EPHA6: variants seen among roughly 807,000 people sequenced by gnomAD.
The protein encoded by EPHA6 is EPH receptor A6.
Under a neutral mutation model 112.0 loss-of-function variants are expected in EPHA6, and 50 were observed. The ratio of observed to expected loss-of-function variants is 0.45; its 90% CI spans 0.36 to 0.56. The LOEUF (loss-of-function observed/expected upper bound fraction) is 0.56, where lower values mean the gene tolerates loss of function less well. Ranked by LOEUF, EPHA6 falls within the 20% of genes least tolerant of loss-of-function variation. EPHA6 has a pLI of 0.00. For synonymous variants in EPHA6, 529 were observed against 490.7 expected, an observed-to-expected ratio of 1.08 and a Z score of -1.03; for missense variants, 1,280 against 1,417.4, an observed-to-expected ratio of 0.90 and a Z score of 1.56.
intron 5 of EPHA6, among the ~76,000 whole-genome samples, chr3:97,291,553 T>C (rs1576858473): frequency 6.6e-6 from 1 of 152,226 alleles, no homozygotes; most frequent in Non-Finnish European, 1.5e-5. Context: ...GTTCTTTTTC[T>C]TATATTTTGT....
At chr3:97,121,313 A>G (rs2048034664) in intron 3 of EPHA6, among the ~76,000 whole-genome samples, 1 of 152,042 alleles carries the variant, frequency 6.6e-6, no homozygotes, top group Non-Finnish European at 1.5e-5. Context: ...CTAAAGTGCT[A>G]ATGTAAGAGT....
At chr3:96,867,338 A>T (rs1233212210) in intron 2 of EPHA6, among the ~76,000 whole-genome samples, 5 of 151,798 alleles carry the variant, frequency 3.3e-5, no homozygotes, top group Non-Finnish European at 7.4e-5. Context: ...GCATTTTTGA[A>T]CTTGGTGAAA....
chr3:96,913,918 G>A (rs1328259636), intron 2 of EPHA6, among the ~76,000 whole-genome samples: 1 of 152,038 alleles, frequency 6.6e-6, no homozygotes, highest in African/African-American at 2.4e-5. Flanking sequence ...CTGAACCTAA[G>A]GAAGATAAGT....
At chr3:97,466,179 C>A in intron 7 of EPHA6, 1 of 695,674 alleles carries the variant, frequency 1.4e-6, no homozygotes, top group Non-Finnish European at 2.6e-6. Flanking sequence ...CTCCATTTCA[C>A]CCTACACTTC....
intron 1 of EPHA6, among the ~76,000 whole-genome samples, chr3:96,840,726 C>T (rs978671142): frequency 6.6e-6 from 1 of 151,968 alleles, no homozygotes; most frequent in Non-Finnish European, 1.5e-5. Flanking sequence ...GATTACCGGC[C>T]GGTGTCTTGA....
intron 3 of EPHA6, among the ~76,000 whole-genome samples, chr3:97,119,947 C>T (rs536754129): frequency 1.3e-5 from 2 of 151,932 alleles, no homozygotes; most frequent in Non-Finnish European, 2.9e-5. Context: ...TGCTGAGACT[C>T]ATTTGCTGAA....
chr3:97,421,058 A>T (rs1396436255), intron 6 of EPHA6, among the ~76,000 whole-genome samples: 1 of 152,082 alleles, frequency 6.6e-6, no homozygotes, highest in African/African-American at 2.4e-5. Context: ...AACTTCTTTA[A>T]CATAATTCAG....
intron 3 of EPHA6, among the ~76,000 whole-genome samples, chr3:97,017,565 A>G (rs567850878): frequency 3.9e-5 from 6 of 152,320 alleles, no homozygotes; most frequent in African/African-American, 9.6e-5. Context: ...AGGTGAATCT[A>G]GGGCTGAACT....
chr3:97,004,200 G>A (rs548195668), intron 3 of EPHA6, among the ~76,000 whole-genome samples: 2 of 152,226 alleles, frequency 1.3e-5, no homozygotes, highest in African/African-American at 4.8e-5. Flanking sequence ...TCTGGTTCTA[G>A]ATCCTTGAGG....
intron 3 of EPHA6, among the ~76,000 whole-genome samples, chr3:97,060,677 C>T (rs953641330): frequency 1.6e-4 from 25 of 151,708 alleles, no homozygotes; most frequent in Middle Eastern, 3.4e-3. Flanking sequence ...TTTGGGAGGC[C>T]GAGGCGGGCA....
chr3:97,294,115 G>A (rs76431726), intron 5 of EPHA6, among the ~76,000 whole-genome samples: 3,268 of 152,326 alleles, frequency 0.021, 87 homozygotes, highest in African/African-American at 0.067. Flanking sequence ...TGGGCCCCAA[G>A]AGCACAGGGA....
chr3:97,293,525 A>G lies in EPHA6; in HGVS notation c.1606+49238A>G, dbSNP rs536870426. Among the ~76,000 whole-genome samples, 16 of 152,308 alleles carry G rather than the reference A, an allele frequency of 1.1e-4. No homozygotes were observed. The South Asian group carries it at 2.9e-3, about 28-fold the overall frequency. ...CAGGTCACCCCAAAGAGTCAATGAG[A>G]CCCAAAGTAGGTAGCTCCATTCATG... On this transcript the variant is annotated intron_variant, in intron 5 of 17. Transcript: ENST00000389672.
chr3:97,489,757 T>C (rs1452958520), intron 10 of EPHA6, among the ~76,000 whole-genome samples: 1 of 152,124 alleles, frequency 6.6e-6, no homozygotes, highest in Non-Finnish European at 1.5e-5. Context: ...AGGGAATGTT[T>C]ATTTTTTGTT....
At chr3:97,247,571 A>C (rs551498221) in intron 5 of EPHA6, among the ~76,000 whole-genome samples, 2 of 152,124 alleles carry the variant, frequency 1.3e-5, no homozygotes, top group Non-Finnish European at 2.9e-5. Context: ...GGCTGATATA[A>C]GAGAAATCAT....
intron 6 of EPHA6, among the ~76,000 whole-genome samples, chr3:97,433,457 T>C (rs1464363751): frequency 1.3e-5 from 2 of 151,752 alleles, no homozygotes; most frequent in Non-Finnish European, 2.9e-5. Flanking sequence ...AACAGGAGAG[T>C]TGCTGACTTT....
chr3:97,259,409 G>T (rs372744960), intron 5 of EPHA6, among the ~76,000 whole-genome samples: 19 of 151,938 alleles, frequency 1.3e-4, no homozygotes, highest in East Asian at 1.2e-3. Context: ...TTATGCCTAA[G>T]CTTAGAAGTT....
intron 1 of EPHA6, among the ~76,000 whole-genome samples, chr3:96,852,081 G>A (rs2035423526): frequency 6.6e-6 from 1 of 152,202 alleles, no homozygotes; most frequent in South Asian, 2.1e-4. Context: ...TGATATGGTA[G>A]GACCATTTCA....
intron 3 of EPHA6, among the ~76,000 whole-genome samples, chr3:97,119,603 G>A (rs756416059): frequency 5.9e-5 from 9 of 151,950 alleles, no homozygotes; most frequent in Non-Finnish European, 1.3e-4. Context: ...AAATGGAATT[G>A]GAGAAGATGA....
intron 5 of EPHA6, among the ~76,000 whole-genome samples, chr3:97,269,464 C>T (rs1367103165): frequency 6.6e-6 from 1 of 152,164 alleles, no homozygotes; most frequent in African/African-American, 2.4e-5. Context: ...ATTCTGATTT[C>T]TTACACCTGG....
Sources: allele counts gnomAD v4.1 joint callset (sites outside exome capture counted in the v4.1 genomes callset), GRCh38; gene constraint gnomAD v4.1.1; transcripts MANE v1.5; gene names NCBI Gene and HGNC (gene_info 2026-07-23, HGNC 2026-07-21).